Variants in SYN3 observed in about 807,000 individuals in gnomAD.
SYN3 encodes the protein synapsin III, also known as synapsin-3.
In SYN3, 35 loss-of-function variants were observed where a neutral mutation model predicts 65.8. The observed-to-expected ratio is 0.53, with a 90% CI of 0.41 to 0.70. The LOEUF (loss-of-function observed/expected upper bound fraction) is 0.70, where lower values mean the gene tolerates loss of function less well. Ranked by LOEUF, SYN3 falls within the 30% of genes least tolerant of loss-of-function variation. The probability of loss-of-function intolerance (pLI) is 0.00; values close to 1 mark genes in which losing one functional copy is unlikely to be tolerated. For synonymous variants in SYN3, 270 were observed against 292.9 expected (o/e 0.92, Z 0.80); for missense variants, 680 against 749.0 (o/e 0.91, Z 1.08).
chr22:32,695,611 T>G (rs1441725498), intron 6 of SYN3, among the ~76,000 whole-genome samples: 1 of 152,214 alleles, frequency 6.6e-6, no homozygotes, highest in Non-Finnish European at 1.5e-5. Context: ...ACTGGCCATT[T>G]AATGTTTATG....
intron 6 of SYN3, among the ~76,000 whole-genome samples, chr22:32,625,992 G>A (rs1227368682): frequency 6.6e-6 from 1 of 152,158 alleles, no homozygotes; most frequent in East Asian, 1.9e-4. Context: ...GGGTGGGGAA[G>A]GAGGAATCAG....
At chr22:32,674,041 G>A (rs1269835527) in intron 6 of SYN3, among the ~76,000 whole-genome samples, 2 of 152,144 alleles carry the variant, frequency 1.3e-5, no homozygotes, top group African/African-American at 4.8e-5. Context: ...CCAGGCAAGA[G>A]ATGGCAAGGG....
At chr22:32,680,872 C>T (rs1015200184) in intron 6 of SYN3, among the ~76,000 whole-genome samples, 4 of 152,204 alleles carry the variant, frequency 2.6e-5, no homozygotes, top group Non-Finnish European at 4.4e-5. Context: ...TCAAATGTCC[C>T]AGCTCCAGAA....
chr22:32,871,610 A>T (rs955477987), intron 4 of SYN3, among the ~76,000 whole-genome samples: 26 of 151,652 alleles, frequency 1.7e-4, no homozygotes, highest in Admixed American at 7.2e-4. Context: ...TTATTTTTTT[A>T]AATTATTATT....
intron 1 of SYN3, among the ~76,000 whole-genome samples, chr22:33,043,411 G>A (rs11704349): frequency 0.16 from 25,104 of 152,160 alleles, 2,315 homozygotes; most frequent in Non-Finnish European, 0.21. Flanking sequence ...AGCTGGGTGC[G>A]GTCACGGGCA....
intron 6 of SYN3, among the ~76,000 whole-genome samples, chr22:32,667,879 G>GC (rs56036691): frequency 1 from 151,199 of 151,200 alleles, 75,599 homozygotes; most frequent in Middle Eastern, 1. Flanking sequence ...CCCACTGCAA[G>GC]TCCGCCCGGG....
At chr22:32,930,345 C>T (rs1305188041) in intron 4 of SYN3, among the ~76,000 whole-genome samples, 1 of 152,174 alleles carries the variant, frequency 6.6e-6, no homozygotes, top group Non-Finnish European at 1.5e-5. Context: ...TCTCTCTTGT[C>T]TGCCATCAGG....
chr22:33,013,713 C>T (rs1401805950), intron 1 of SYN3, among the ~76,000 whole-genome samples: 2 of 152,088 alleles, frequency 1.3e-5, no homozygotes, highest in Non-Finnish European at 2.9e-5. Flanking sequence ...CCGACATGTC[C>T]GCTTTCCCCA....
chr22:32,998,679 A>G (rs1448919410), intron 2 of SYN3, among the ~76,000 whole-genome samples: 2 of 150,832 alleles, frequency 1.3e-5, no homozygotes, highest in African/African-American at 4.9e-5. Flanking sequence ...GCAGGGAGGT[A>G]CACCAACTCC....
At chr22:32,978,989 A>G (rs2052292024) in intron 3 of SYN3, among the ~76,000 whole-genome samples, 1 of 151,958 alleles carries the variant, frequency 6.6e-6, no homozygotes, top group South Asian at 2.1e-4. Context: ...GACTAGCCTG[A>G]CCAACATGGT....
rs2046594994 is a variant in SYN3 at position 32,801,950 on chromosome 22, G to C, written c.711+62965C>G. ...CAGCAGCCCCGCCGGCGGCGCGCAC[G>C]GCAACTTTGGAGAGGCGAGCAGCAG... is the stretch of plus-strand genomic sequence containing the variant. On this transcript the variant is annotated intron_variant, in intron 6 of 13. Coordinates refer to ENST00000358763, the MANE Select transcript of SYN3 (RefSeq NM_003490.4). This position sits in a 1 kb window ranked among gnomAD's most constrained non-coding sequence, Gnocchi z 4.7. The C allele has an allele frequency of 3.9e-6, 6 of 1,552,160 alleles. No individual in the cohort carries two copies. Among genetic ancestry groups the C allele is most frequent in the Admixed American group, 1.8e-5 (1 of 54,216 alleles).
At chr22:32,697,175 T>G (rs2060748240) in intron 6 of SYN3, among the ~76,000 whole-genome samples, 1 of 152,176 alleles carries the variant, frequency 6.6e-6, no homozygotes, top group Non-Finnish European at 1.5e-5. Flanking sequence ...CTGATCTAAG[T>G]GGGCCACTCT....
chr22:32,674,129 A>G (rs2060409180), intron 6 of SYN3, among the ~76,000 whole-genome samples: 1 of 152,086 alleles, frequency 6.6e-6, no homozygotes, highest in African/African-American at 2.4e-5. Context: ...AGATATGGGT[A>G]GAGTAGGAGA....
intron 1 of SYN3, among the ~76,000 whole-genome samples, chr22:33,023,427 C>T (rs1033686751): frequency 6.6e-6 from 1 of 152,168 alleles, no homozygotes; most frequent in Non-Finnish European, 1.5e-5. Flanking sequence ...CCTTCCACCA[C>T]GATTGTGAGG....
At chr22:32,679,341 C>T (rs966867008) in intron 6 of SYN3, among the ~76,000 whole-genome samples, 6 of 151,486 alleles carry the variant, frequency 4.0e-5, no homozygotes, top group East Asian at 1.9e-4. Flanking sequence ...ATGAGCACCG[C>T]GCCTGGCAAT....
At chr22:32,548,105 A>G (rs921748586) in intron 7 of SYN3, among the ~76,000 whole-genome samples, 5 of 152,156 alleles carry the variant, frequency 3.3e-5, no homozygotes, top group East Asian at 1.9e-4. Flanking sequence ...TAAACTACAT[A>G]ATACCCAGAA....
intron 1 of SYN3, among the ~76,000 whole-genome samples, chr22:33,044,961 G>A (rs891616596): frequency 1.3e-5 from 2 of 150,950 alleles, no homozygotes; most frequent in African/African-American, 2.4e-5. Flanking sequence ...TCCTGCCTCC[G>A]CCTCCCAAGT....
At chr22:32,548,533 C>T (rs570781524) in intron 7 of SYN3, among the ~76,000 whole-genome samples, 2 of 152,080 alleles carry the variant, frequency 1.3e-5, no homozygotes, top group African/African-American at 2.4e-5. Flanking sequence ...CCACCATGCC[C>T]GGCTAATTTT....
At chr22:32,704,897 T>C (rs1376992344) in intron 6 of SYN3, among the ~76,000 whole-genome samples, 1 of 152,228 alleles carries the variant, frequency 6.6e-6, no homozygotes, top group Admixed American at 6.5e-5. Context: ...GCCCACTTTT[T>C]AATGGGTTGT....
Sources: allele counts gnomAD v4.1 joint callset (sites outside exome capture counted in the v4.1 genomes callset), GRCh38; gene constraint gnomAD v4.1.1; non-coding constraint Gnocchi (gnomAD v3.1); transcripts MANE v1.5; gene names NCBI Gene and HGNC (gene_info 2026-07-23, HGNC 2026-07-21).